Variants in KLHL5 observed in about 807,000 individuals in gnomAD.
The protein encoded by KLHL5 is kelch-like protein 5.
KLHL5 carries 48 observed loss-of-function variants against 77.7 expected under a neutral mutation model. The ratio of observed to expected loss-of-function variants is 0.62; its 90% CI spans 0.49 to 0.79. KLHL5 has a LOEUF of 0.79. Ranked by LOEUF, KLHL5 falls within the 30% of genes least tolerant of loss-of-function variation. The pLI is 0.00. For synonymous variants in KLHL5, 260 were observed against 297.0 expected, an observed-to-expected ratio of 0.88 and a Z score of 1.28; for missense variants, 723 against 859.7, an observed-to-expected ratio of 0.84 and a Z score of 1.99.
rs1325433024 is a variant in KLHL5 at position 39,124,703 on chromosome 4, C to T, written c.*3637C>T. On this transcript the variant is annotated 3_prime_UTR_variant, in exon 11 of 11. Coordinates refer to ENST00000504108, the MANE Select transcript of KLHL5 (RefSeq NM_015990.5). ...AAAGACCTAAATGTAAGAGCTAAAA[C>T]CATAAAACTTTGAGAAGAAAATACA... Among the ~76,000 whole-genome samples the T allele has an allele frequency of 7.0e-6, 1 of 143,676 alleles. No homozygotes were observed. Among genetic ancestry groups the T allele is most frequent in the Non-Finnish European group, 1.5e-5 (1 of 66,038 alleles). 94.3% of individuals were successfully genotyped at this position (143,676 alleles called of 152,430 possible).
At chr4:39,057,725 C>A (rs532077180), upstream of KLHL5, among the ~76,000 whole-genome samples, 1 of 151,982 alleles carries the variant, frequency 6.6e-6, no homozygotes, top group Admixed American at 6.6e-5. Flanking sequence ...TGGTAAAATT[C>A]TTGATTTTTT....
At chr4:39,130,754 T>C (rs1437268935), downstream of KLHL5, among the ~76,000 whole-genome samples, 1 of 152,090 alleles carries the variant, frequency 6.6e-6, no homozygotes, top group Non-Finnish European at 1.5e-5. Context: ...TCCGGGCCCT[T>C]TGTGTTATTC....
At chr4:39,060,001 A>G (rs1717279755), upstream of KLHL5, among the ~76,000 whole-genome samples, 1 of 152,204 alleles carries the variant, frequency 6.6e-6, no homozygotes, top group African/African-American at 2.4e-5. Context: ...TTCTTTCAAC[A>G]TTATTTTAAT....
At chr4:39,099,159 G>A (rs914872471) in intron 6 of KLHL5, among the ~76,000 whole-genome samples, 2 of 151,984 alleles carry the variant, frequency 1.3e-5, no homozygotes, top group Non-Finnish European at 2.9e-5. Context: ...ATGGTGGCAG[G>A]TGCCTGTAAT....
intron 1 of KLHL5, among the ~76,000 whole-genome samples, chr4:39,066,546 C>G (rs1333934852): frequency 6.6e-6 from 1 of 152,142 alleles, no homozygotes. Context: ...AAGCAACATG[C>G]ATTCAGTACA....
chr4:39,088,743 A>G (rs1577695115), intron 5 of KLHL5, among the ~76,000 whole-genome samples: 1 of 152,198 alleles, frequency 6.6e-6, no homozygotes, highest in African/African-American at 2.4e-5. Flanking sequence ...AATTTCTTAC[A>G]GTGTTATTTG....
chr4:39,108,396 A>T (rs1464025616), intron 8 of KLHL5, among the ~76,000 whole-genome samples: 1 of 152,146 alleles, frequency 6.6e-6, no homozygotes, highest in African/African-American at 2.4e-5. Flanking sequence ...AGAATGCTTT[A>T]TCATTGTTTC....
the KLHL5 span, among the ~76,000 whole-genome samples, chr4:39,133,548 C>T: frequency 2.3e-4 from 30 of 131,496 alleles, no homozygotes; most frequent in Non-Finnish European, 4.0e-4. Context: ...GCCTGGACAA[C>T]ATAGCAAGAC....
In KLHL5 at chr4:39,107,596, A is replaced by G; in HGVS notation, c.1553A>G (p.Tyr518Cys). The part of the protein sequence containing the change: ...LGVAVLEGPM[Y>C]AVGGHDGWSY... The stretch of plus-strand genomic sequence containing the variant: ...GTGGCTGTACTGGAAGGTCCCATGT[A>G]TGCCGTAGGAGGACATGATGGCTGG... Residue 518 changes from tyrosine (Y) to cysteine (C), a missense_variant, in exon 8 of 11, where the codon TAT becomes TGT. Tyr to Cys is a radical substitution (Grantham distance 194, BLOSUM62 -2). This residue lies in a region of KLHL5 where 214 missense variants were observed against 237.4 expected (regional missense o/e 0.90). Coordinates refer to ENST00000504108, the MANE Select transcript of KLHL5 (RefSeq NM_015990.5). The G allele has an allele frequency of 6.2e-7, 1 of 1,612,192 alleles. No individual in the cohort carries two copies. The highest frequency in any genetic ancestry group is 8.5e-7 in the Non-Finnish European group (1 of 1,178,660).
In KLHL5 at chr4:39,086,547, A is replaced by G; in HGVS notation, c.933A>G (p.Glu311=). Reference sequence around the variant, plus strand: ...TCATGGAAGTAATCAGAAACCAGGAATTTGTATTATTACCAGCCAGCGAAA... The same window carrying G: ...TCATGGAAGTAATCAGAAACCAGGAGTTTGTATTATTACCAGCCAGCGAAA... The part of the protein sequence containing the change: ...EHFMEVIRNQ[E]FVLLPASEIA... Residue 311 remains glutamate, a synonymous_variant, in exon 5 of 11, where the codon GAA becomes GAG. Coordinates refer to ENST00000504108, the MANE Select transcript of KLHL5 (RefSeq NM_015990.5). 1 of 1,613,910 alleles carries G rather than the reference A, an allele frequency of 6.2e-7. No individual in the cohort carries two copies. The highest frequency in any genetic ancestry group is 8.5e-7 in the Non-Finnish European group (1 of 1,179,854).
chr4:39,130,294 T>C (rs1436986673), downstream of KLHL5, among the ~76,000 whole-genome samples: 4 of 152,134 alleles, frequency 2.6e-5, no homozygotes, highest in African/African-American at 9.7e-5. Flanking sequence ...AAGGAATAGG[T>C]TGGGCTAGTT....
chr4:39,120,724 G>C (rs942840229), intron 10 of KLHL5, among the ~76,000 whole-genome samples: 1 of 152,226 alleles, frequency 6.6e-6, no homozygotes, highest in African/African-American at 2.4e-5. Context: ...GGCTAAAATA[G>C]AGTGTTTCAT....
chr4:39,085,084 G>T (rs1719928156), intron 4 of KLHL5, among the ~76,000 whole-genome samples: 1 of 152,130 alleles, frequency 6.6e-6, no homozygotes, highest in Non-Finnish European at 1.5e-5. Context: ...CATTTTTGTA[G>T]ATCTTGCTAT....
chr4:39,111,663 A>G (rs1457082417), intron 8 of KLHL5, among the ~76,000 whole-genome samples: 3 of 152,240 alleles, frequency 2.0e-5, no homozygotes, highest in Non-Finnish European at 4.4e-5. Flanking sequence ...GAACTAGAAC[A>G]TAAACAAGTT....
chr4:39,104,251 A>T (rs746582861), intron 7 of KLHL5, among the ~76,000 whole-genome samples: 1 of 152,190 alleles, frequency 6.6e-6, no homozygotes, highest in Non-Finnish European at 1.5e-5. Context: ...CAGAGGGTTA[A>T]GGCAAAGACA....
chr4:39,113,059 C>T lies in KLHL5; in HGVS notation c.1728C>T (p.Leu576=). 2.5e-6 allele frequency: 4 copies of T among 1,613,768 alleles called. No homozygotes were observed. Among genetic ancestry groups the T allele is most frequent in the Non-Finnish European group, 3.4e-6 (4 of 1,179,894 alleles). Residue 576 remains leucine (L), a synonymous_variant, in exon 9 of 11, where the codon CTC becomes CTT. Coordinates refer to ENST00000504108, the MANE Select transcript of KLHL5 (RefSeq NM_015990.5). ...AVGGRDGSSC[L]KSVECFDPHT... ...GTGGTCGTGATGGAAGTTCTTGTCT[C>T]AAATCAGTAGAATGTTTTGATCCTC...
intron 4 of KLHL5, among the ~76,000 whole-genome samples, 168 bp downstream of exon 4, chr4:39,082,327 A>G (rs980373985): frequency 1.3e-5 from 2 of 152,304 alleles, no homozygotes; most frequent in Non-Finnish European, 1.5e-5. Context: ...GGAAAGCACC[A>G]AGTAATACTT....
chr4:39,118,480 G>A (rs2109607284), intron 10 of KLHL5, among the ~76,000 whole-genome samples: 1 of 152,322 alleles, frequency 6.6e-6, no homozygotes, highest in East Asian at 1.9e-4. Context: ...TGGGGGCAGG[G>A]CGCAGTGGCT....
intron 1 of KLHL5, among the ~76,000 whole-genome samples, chr4:39,051,212 C>T (rs1047640105): frequency 1.3e-5 from 2 of 152,110 alleles, no homozygotes; most frequent in African/African-American, 2.4e-5. Context: ...CTGTTAGACT[C>T]GTGTATGTAG....
Sources: gnomAD v4.1 joint callset for allele counts (sites outside exome capture counted in the v4.1 genomes callset) on GRCh38, gnomAD v4.1.1 for gene constraint, gnomAD v4.1.1 regional missense constraint, MANE v1.5 for transcripts, NCBI Gene and HGNC (gene_info 2026-07-23, HGNC 2026-07-21) for gene names.